Variants in PAPPA observed in about 807,000 individuals in gnomAD.
The protein encoded by PAPPA is pappalysin-1.
Under a neutral mutation model 164.0 loss-of-function variants are expected in PAPPA, and 60 were observed. That is an observed-to-expected ratio of 0.37 (90% CI 0.30 to 0.45). The LOEUF (loss-of-function observed/expected upper bound fraction) is 0.45. Among genes scored for constraint, PAPPA ranks in the 20% least tolerant of loss-of-function variants. The probability of loss-of-function intolerance (pLI) is 1.00; values close to 1 mark genes in which losing one functional copy is unlikely to be tolerated. For synonymous variants in PAPPA, 875 were observed against 814.1 expected, an observed-to-expected ratio of 1.07 and a Z score of -1.27; for missense variants, 1,782 against 2,087.3, an observed-to-expected ratio of 0.85 and a Z score of 2.85.
At chr9:116,358,824 C>T (rs1846386329) in intron 17 of PAPPA, among the ~76,000 whole-genome samples, 1 of 152,204 alleles carries the variant, frequency 6.6e-6, no homozygotes, top group South Asian at 2.1e-4. Flanking sequence ...GGCACATTGC[C>T]TCCCCTTTCT....
intron 7 of PAPPA, among the ~76,000 whole-genome samples, chr9:116,244,624 G>T (rs551640608): frequency 7.3e-4 from 111 of 152,210 alleles, no homozygotes; most frequent in African/African-American, 2.7e-3. Flanking sequence ...TGAGTAAAGA[G>T]ATAAGAAGGA....
In PAPPA at chr9:116,220,834, G is replaced by A. The variant is rs117183595; in HGVS notation, c.2111+705G>A. Among the ~76,000 whole-genome samples the A allele has an allele frequency of 2.8e-3, 418 of 151,472 alleles. 1 individual carries two copies. Among genetic ancestry groups the A allele is most frequent in the East Asian group, 0.016 (83 of 5,162 alleles). On this transcript the variant is annotated intron_variant, in intron 5 of 21. Coordinates refer to ENST00000328252, the MANE Select transcript of PAPPA (RefSeq NM_002581.5). ...CAGGAGGCGGAGGTTGCAGTGAGCC[G>A]AGATGGCACCACCGCATCTCAGCCT...
intron 10 of PAPPA, among the ~76,000 whole-genome samples, chr9:116,319,624 G>A (rs187125144): frequency 1.3e-5 from 2 of 152,282 alleles, no homozygotes; most frequent in East Asian, 1.9e-4. Context: ...CATCCTCACC[G>A]TTATTGTCAT....
At chr9:116,225,652 C>T (rs1044213046) in intron 5 of PAPPA, among the ~76,000 whole-genome samples, 4 of 152,158 alleles carry the variant, frequency 2.6e-5, no homozygotes, top group Non-Finnish European at 4.4e-5. Context: ...TTTAATGATT[C>T]TCTTATCACT....
chr9:116,174,004 C>A (rs1229293725), intron 1 of PAPPA, among the ~76,000 whole-genome samples: 1 of 152,194 alleles, frequency 6.6e-6, no homozygotes, highest in Non-Finnish European at 1.5e-5. Context: ...TGAACCCCAT[C>A]TTTGTCACTT....
intron 6 of PAPPA, among the ~76,000 whole-genome samples, chr9:116,227,804 C>T (rs992375357): frequency 6.6e-6 from 1 of 151,936 alleles, no homozygotes; most frequent in African/African-American, 2.4e-5. Context: ...AAAGAAGTGC[C>T]CAAGGCCACA....
chr9:116,266,097 GCTACT>G lies in PAPPA; in HGVS notation c.2861+113_2861+117del, dbSNP rs577487667. Reference sequence around the variant, plus strand: ...ATATTCTTCAGTGCATGAGCTGTGAGCTACTAGTGGTCCCCAGCAGTCTCTGGATT... The same window carrying G: ...ATATTCTTCAGTGCATGAGCTGTGAGAGTGGTCCCCAGCAGTCTCTGGATT... On this transcript the variant is annotated intron_variant, in intron 8 of 21. Transcript: ENST00000328252. 9.5e-4 allele frequency: 838 copies of G among 880,346 alleles called. 5 individuals are homozygous for G. The African/African-American group carries it at 0.012, about 13-fold the overall frequency. The allele number at this position is 880,346 out of a possible 1,614,324, so 54.5% of individuals were successfully genotyped here. A position where few individuals can be genotyped will look rare whatever the true frequency, so the allele number is the denominator to read the frequency against.
At chr9:116,359,302 T>C (rs1484259979) in intron 17 of PAPPA, among the ~76,000 whole-genome samples, 1 of 152,244 alleles carries the variant, frequency 6.6e-6, no homozygotes, top group Non-Finnish European at 1.5e-5. Flanking sequence ...AATATTATTA[T>C]ATGCCTTCAG....
intron 12 of PAPPA, 83 bp from the exon 13 acceptor site, chr9:116,334,778 C>A: frequency 1.0e-6 from 1 of 984,468 alleles, no homozygotes; most frequent in South Asian, 1.4e-5. Context: ...GGTCTGGGGG[C>A]TTCGGGAAGG....
At chr9:116,275,990 A>G (rs1845192810) in intron 9 of PAPPA, among the ~76,000 whole-genome samples, 1 of 152,016 alleles carries the variant, frequency 6.6e-6, no homozygotes, top group Non-Finnish European at 1.5e-5. Flanking sequence ...CACCCACATG[A>G]CCTCTCAGGC....
chr9:116,153,941 A>G lies in PAPPA; in HGVS notation c.-232A>G. 1 of 304,776 alleles carries G rather than the reference A, an allele frequency of 3.3e-6. No homozygotes were observed. 18.9% of individuals were successfully genotyped at this position (304,776 alleles called of 1,614,324 possible). On this transcript the variant is annotated 5_prime_UTR_variant, in exon 1 of 22. Coordinates refer to ENST00000328252, the MANE Select transcript of PAPPA (RefSeq NM_002581.5). Reference sequence around the variant, plus strand: ...AAATAAGGCAGATAAAGGAGCGGGGAGAGAAATTAATTGCCAACCAGGAGG... The same window carrying G: ...AAATAAGGCAGATAAAGGAGCGGGGGGAGAAATTAATTGCCAACCAGGAGG...
chr9:116,312,398 G>A (rs774531041), intron 10 of PAPPA, among the ~76,000 whole-genome samples: 21 of 148,876 alleles, frequency 1.4e-4, no homozygotes, highest in Admixed American at 1.2e-3. Context: ...CAAGAAACAT[G>A]TAAAAAATGT....
intron 9 of PAPPA, among the ~76,000 whole-genome samples, chr9:116,299,874 TC>T (rs1289555958): frequency 1.3e-5 from 1 of 79,380 alleles, no homozygotes; most frequent in African/African-American, 3.1e-5. Flanking sequence ...TATCATTACC[TC>T]CATTTTTTTT....
chr9:116,243,472 A>G (rs1244291165), intron 7 of PAPPA, among the ~76,000 whole-genome samples: 1 of 152,152 alleles, frequency 6.6e-6, no homozygotes, highest in Non-Finnish European at 1.5e-5. Flanking sequence ...TTAGATGGAG[A>G]AGCTCAGACT....
chr9:116,277,528 G>A (rs940940641), intron 9 of PAPPA, among the ~76,000 whole-genome samples: 2 of 152,126 alleles, frequency 1.3e-5, no homozygotes, highest in Admixed American at 6.5e-5. Context: ...CATAAAATGG[G>A]TTAGTAAGTT....
chr9:116,271,491 A>G lies in PAPPA; in HGVS notation c.2953+75A>G, dbSNP rs1845137208. 1 of 1,020,532 alleles carries G rather than the reference A, an allele frequency of 9.8e-7. No individual in the cohort carries two copies. The highest frequency in any genetic ancestry group is 1.6e-6 in the Non-Finnish European group (1 of 642,462). The allele number at this position is 1,020,532 out of a possible 1,614,324, so 63.2% of individuals were successfully genotyped here. On this transcript the variant is annotated intron_variant, in intron 9 of 21. Transcript: ENST00000328252. This position sits in a 1 kb window ranked among gnomAD's most constrained non-coding sequence, Gnocchi z 4.2. ...GAATGGTTGGTCAATGATAATGCCA[A>G]CAATAGTTATGACTAAATGATGATT... is the stretch of plus-strand genomic sequence containing the variant.
At chr9:116,317,417 A>G (rs16933432) in intron 10 of PAPPA, among the ~76,000 whole-genome samples, 24,250 of 152,128 alleles carry the variant, frequency 0.16, 2,436 homozygotes, top group African/African-American at 0.28. Context: ...TTTAGTCTTA[A>G]TAGCTCTGAG....
chr9:116,350,624 A>G (rs1846268800), intron 15 of PAPPA, among the ~76,000 whole-genome samples: 1 of 152,188 alleles, frequency 6.6e-6, no homozygotes, highest in Admixed American at 6.5e-5. Flanking sequence ...TAAGAGTCCC[A>G]ACACCTTTTC....
chr9:116,156,314 ATG>A (rs1382207390), intron 1 of PAPPA, among the ~76,000 whole-genome samples: 1 of 99,726 alleles, frequency 1.0e-5, no homozygotes, highest in Admixed American at 9.2e-5. Flanking sequence ...ATGTATATAT[ATG>A]TGTGTATATA....
Sources: gnomAD v4.1 joint callset for allele counts (sites outside exome capture counted in the v4.1 genomes callset) on GRCh38, gnomAD v4.1.1 for gene constraint, Gnocchi (gnomAD v3.1) non-coding constraint, MANE v1.5 for transcripts, NCBI Gene and HGNC (gene_info 2026-07-23, HGNC 2026-07-21) for gene names.